The following NUP188 variants were observed in gnomAD, a reference collection of about 807,000 sequenced individuals.
NUP188 encodes nucleoporin NUP188.
A neutral mutation model predicts 223.0 loss-of-function variants in NUP188; 97 were observed. That is an observed-to-expected ratio of 0.43 (90% CI 0.37 to 0.51). NUP188 has a LOEUF of 0.51. Ranked by LOEUF, NUP188 falls within the 20% of genes least tolerant of loss-of-function variation. NUP188 has a pLI of 0.00. For missense variants in NUP188, 1,947 were observed against 2,175.6 expected, an observed-to-expected ratio of 0.89 and a Z score of 2.09; for synonymous variants, 869 against 828.0, an observed-to-expected ratio of 1.05 and a Z score of -0.85.
At chr9:128,952,701 T>G in intron 2 of NUP188, 72 bp from the exon 3 acceptor site, 1 of 1,331,502 alleles carries the variant, frequency 7.5e-7, no homozygotes. Flanking sequence ...CCAGCCTGGG[T>G]GATAGAGTGA....
At chr9:128,998,508 A>C in intron 31 of NUP188, 30 bp from the exon 32 acceptor site, 4 of 1,591,782 alleles carry the variant, frequency 2.5e-6, no homozygotes, top group Non-Finnish European at 3.4e-6. Flanking sequence ...CTTTCCACTG[A>C]CTTCTGACTG....
At chr9:129,004,315 C>T (rs1037451362) in intron 38 of NUP188, among the ~76,000 whole-genome samples, 1 of 150,512 alleles carries the variant, frequency 6.6e-6, no homozygotes, top group African/African-American at 2.4e-5. Context: ...CTAAACAAAA[C>T]CAAAAAAACA....
intron 33 of NUP188, 50 bp from the exon 34 acceptor site, chr9:128,999,574 G>A (rs924053064): frequency 1.9e-6 from 3 of 1,574,682 alleles, no homozygotes; most frequent in Non-Finnish European, 2.6e-6. Flanking sequence ...GGTGTACAGT[G>A]AGAGTTGGCC....
At chr9:128,975,468 C>G (rs4291366) in intron 12 of NUP188, among the ~76,000 whole-genome samples, 1 of 151,216 alleles carries the variant, frequency 6.6e-6, no homozygotes, top group East Asian at 2.0e-4. Flanking sequence ...GTGATCCGCC[C>G]GCCTCAGCCT....
At chr9:128,981,531 G>C in intron 15 of NUP188, 141 bp downstream of exon 15, 1 of 797,216 alleles carries the variant, frequency 1.3e-6, no homozygotes. Context: ...TCCCACCTTA[G>C]CCTCCCAAAG....
In NUP188 at chr9:128,958,018, G is replaced by T. The variant is rs767549965; in HGVS notation, c.336G>T (p.Leu112=). Residue 112 remains leucine (L), a synonymous_variant, in exon 6 of 44, where the codon CTG becomes CTT. Coordinates refer to ENST00000372577, the MANE Select transcript of NUP188 (RefSeq NM_015354.3). ...TCTGTTTTTCTTTTCAGACAGTACTGCAAGATGAGAGGCAGAGCCAGGCCT... is the reference window on the plus strand; with the variant it reads ...TCTGTTTTTCTTTTCAGACAGTACTTCAAGATGAGAGGCAGAGCCAGGCCT... ...RGTRDSVKTV[L]QDERQSQALI... is the part of the protein sequence containing the mutation. The T allele has an allele frequency of 4.3e-6, 7 of 1,612,846 alleles. No homozygotes were observed. Among genetic ancestry groups the T allele is most frequent in the Middle Eastern group, 1.6e-4 (1 of 6,082 alleles).
intron 34 of NUP188, among the ~76,000 whole-genome samples, chr9:129,001,320 A>G (rs920936711): frequency 6.6e-6 from 1 of 152,082 alleles, no homozygotes; most frequent in Admixed American, 6.5e-5. Flanking sequence ...AGGGTTGCTC[A>G]TTAGATTGGC....
intron 8 of NUP188, among the ~76,000 whole-genome samples, chr9:128,960,906 G>A (rs765336712): frequency 5.3e-5 from 8 of 151,990 alleles, no homozygotes; most frequent in Admixed American, 1.3e-4. Flanking sequence ...CCAACATGGT[G>A]AAACCTCGTC....
chr9:128,972,427 C>T (rs897260867), intron 11 of NUP188, among the ~76,000 whole-genome samples: 2 of 152,120 alleles, frequency 1.3e-5, no homozygotes, highest in Non-Finnish European at 2.9e-5. Flanking sequence ...GGGTTGCCAA[C>T]GGTCTAGTGG....
chr9:128,967,874 T>C (rs1279039631), intron 8 of NUP188, among the ~76,000 whole-genome samples: 1 of 152,208 alleles, frequency 6.6e-6, no homozygotes, highest in Non-Finnish European at 1.5e-5. Flanking sequence ...GGCAGGAGGA[T>C]TGCTTGAGCC....
At chr9:128,957,874 A>G in intron 5 of NUP188, 136 bp from the exon 6 acceptor site, 1 of 667,740 alleles carries the variant, frequency 1.5e-6, no homozygotes, top group Non-Finnish European at 2.5e-6. Flanking sequence ...TTTGGGTAAA[A>G]AGTAAGGTGG....
chr9:128,952,944 A>G, intron 3 of NUP188, 98 bp downstream of exon 3: 8 of 953,920 alleles, frequency 8.4e-6, no homozygotes, highest in Non-Finnish European at 1.3e-5. Flanking sequence ...TTGTAGGGTT[A>G]TGTATACCAG....
intron 19 of NUP188, 47 bp downstream of exon 19, chr9:128,983,597 A>G: frequency 7.9e-7 from 1 of 1,270,868 alleles, no homozygotes; most frequent in South Asian, 1.2e-5. Flanking sequence ...AGTGAGAACC[A>G]CATATGTCTC....
chr9:128,986,920 GAC>G (rs1174620707), intron 22 of NUP188, 45 bp downstream of exon 22: 1 of 1,564,872 alleles, frequency 6.4e-7, no homozygotes, highest in Admixed American at 1.7e-5. Context: ...GCCAAGGCAA[GAC>G]ACGGGCTTTT....
In NUP188 at chr9:129,003,574, T is replaced by C. The variant is rs746122359; in HGVS notation, c.4434+120T>C. ...ATGTTCCTGAACGGGGGCTTTTCCC[T>C]TGGGGAGCACAGGGTTTGCTGTCAT... On this transcript the variant is annotated intron_variant, in intron 38 of 43. Transcript: ENST00000372577. 7.5e-6 allele frequency: 9 copies of C among 1,199,928 alleles called. No homozygotes were observed. The Admixed American group carries it at 1.4e-4, about 18-fold the overall frequency. 74.3% of individuals were successfully genotyped at this position (1,199,928 alleles called of 1,614,324 possible).
chr9:129,000,412 A>G (rs1842621713), intron 34 of NUP188, among the ~76,000 whole-genome samples: 1 of 152,120 alleles, frequency 6.6e-6, no homozygotes, highest in Non-Finnish European at 1.5e-5. Context: ...TCTGCTTCCC[A>G]GATTCACGCC....
Position 128,987,723 on chromosome 9 carries a change from G to C in NUP188, c.2393+6G>C, listed in dbSNP as rs41316518. 6.2e-7 allele frequency: 1 copy of C among 1,611,710 alleles called. No homozygotes were observed. The highest frequency in any genetic ancestry group is 1.1e-5 in the South Asian group (1 of 90,610). On this transcript the variant is annotated splice_donor_region_variant and intron_variant, in intron 23 of 43. Coordinates refer to ENST00000372577, the MANE Select transcript of NUP188 (RefSeq NM_015354.3). ...ATGGCTGCTCAGCCTCGAAGGTAGG[G>C]CTCCTTCTCCACGTTCCCTTTGTCT... is the stretch of plus-strand genomic sequence containing the variant.
At position 129,005,399 on chromosome 9, in the gene NUP188, G is replaced by A. The variant is rs139949770; in HGVS notation, c.4606G>A (p.Ala1536Thr). The change falls in exon 40 of 44, where the codon GCT becomes ACT. Residue 1536 changes from alanine (A) to threonine (T), a missense_variant. Physicochemically the swap from Ala to Thr is moderately conservative, Grantham distance 58. Transcript: ENST00000372577. Reference protein sequence around the residue: ...SAAPSSSKQPAADTEASEQQA... With the variant: ...SAAPSSSKQPTADTEASEQQA... ...TGCCCCCTCCTCCTCAAAGCAGCCCGCTGCTGACACAGAGGCATCAGAGCA... is the reference window on the plus strand; with the variant it reads ...TGCCCCCTCCTCCTCAAAGCAGCCCACTGCTGACACAGAGGCATCAGAGCA... 96 of 1,611,876 alleles carry A rather than the reference G, an allele frequency of 6.0e-5. No homozygotes were observed. In the African/African-American group the frequency reaches 8.1e-4, roughly 14 times the overall value.
intron 13 of NUP188, among the ~76,000 whole-genome samples, chr9:128,979,530 A>G (rs1455768572): frequency 6.6e-6 from 1 of 152,206 alleles, no homozygotes; most frequent in Non-Finnish European, 1.5e-5. Context: ...AAAGTCACAC[A>G]TAGAAAGAGG....
Sources: gnomAD v4.1 joint callset for allele counts (sites outside exome capture counted in the v4.1 genomes callset) on GRCh38, gnomAD v4.1.1 for gene constraint, MANE v1.5 for transcripts, NCBI Gene and HGNC (gene_info 2026-07-23, HGNC 2026-07-21) for gene names.